The following CELF2 variants were observed in gnomAD, a reference collection of about 807,000 sequenced individuals.
CELF2 encodes CUG triplet repeat RNA-binding protein 2.
CELF2 carries 8 observed loss-of-function variants against 62.6 expected under a neutral mutation model. That is an observed-to-expected ratio of 0.13 (90% CI 0.07 to 0.23). The LOEUF is 0.23. Among genes scored for constraint, CELF2 ranks in the 10% least tolerant of loss-of-function variants. CELF2 has a pLI of 1.00. For missense variants in CELF2, 333 were observed against 671.0 expected, an observed-to-expected ratio of 0.50 and a Z score of 5.56; for synonymous variants, 258 against 250.0, an observed-to-expected ratio of 1.03 and a Z score of -0.30.
intron 2 of CELF2, among the ~76,000 whole-genome samples, chr10:11,193,314 C>G (rs2056527937): frequency 6.6e-6 from 1 of 152,128 alleles, no homozygotes; most frequent in Non-Finnish European, 1.5e-5. Context: ...AACCAGCTCA[C>G]CCATCAATAG....
At chr10:11,299,248 C>T (rs1367946399) in intron 9 of CELF2, among the ~76,000 whole-genome samples, 1 of 152,252 alleles carries the variant, frequency 6.6e-6, no homozygotes, top group Non-Finnish European at 1.5e-5. Context: ...TCGGGCCACA[C>T]GGCGGGTGGT....
intron 1 of CELF2, among the ~76,000 whole-genome samples, chr10:11,091,474 C>T (rs1012430502): frequency 6.6e-6 from 1 of 152,194 alleles, no homozygotes; most frequent in African/African-American, 2.4e-5. Flanking sequence ...TGGCACATCC[C>T]TTCAAGAAAG....
chr10:11,016,465 A>T (rs1307757625), upstream of CELF2, among the ~76,000 whole-genome samples: 5 of 152,246 alleles, frequency 3.3e-5, no homozygotes, highest in Non-Finnish European at 4.4e-5. This position sits in a 1 kb window ranked among gnomAD's most constrained non-coding sequence, Gnocchi z 5.2. Context: ...TGTGGACTTA[A>T]TTGAATATCC....
At chr10:11,025,187 G>A (rs1170830694) in intron 1 of CELF2, among the ~76,000 whole-genome samples, 5 of 151,450 alleles carry the variant, frequency 3.3e-5, no homozygotes, top group African/African-American at 7.3e-5. Flanking sequence ...CCTGAAATAT[G>A]TGTGGGGGTA....
At chr10:10,625,022 T>C in the CELF2 span, among the ~76,000 whole-genome samples, 6 of 152,354 alleles carry the variant, frequency 3.9e-5, no homozygotes, top group South Asian at 1.2e-3. Context: ...TTTCTTCATG[T>C]TTACCAACAA....
intron 1 of CELF2, among the ~76,000 whole-genome samples, chr10:11,133,010 G>T (rs537651900): frequency 6.6e-6 from 1 of 152,310 alleles, no homozygotes; most frequent in African/African-American, 2.4e-5. Flanking sequence ...ATTGAGTCAT[G>T]AAAATTCCAT....
upstream of CELF2, among the ~76,000 whole-genome samples, chr10:10,796,348 C>T (rs529432034): frequency 1.3e-5 from 2 of 152,328 alleles, no homozygotes; most frequent in African/African-American, 4.8e-5. Flanking sequence ...ACTTCAGCTA[C>T]TACTGTATCT....
intron 1 of CELF2, among the ~76,000 whole-genome samples, chr10:11,036,018 A>G (rs1043850082): frequency 2.6e-5 from 4 of 152,302 alleles, no homozygotes; most frequent in South Asian, 2.1e-4. Flanking sequence ...GTATATCTGC[A>G]CTGATGTGAG....
chr10:10,462,615 C>CTTTTTTTTTTTTTTTTTTTTTTTTTTT, the CELF2 span, among the ~76,000 whole-genome samples: 8 of 69,418 alleles, frequency 1.2e-4, no homozygotes, highest in Non-Finnish European at 1.8e-4. Flanking sequence ...TTTTTTTCAT[C>CTTTTTTTTTTTTTTTTTTTTTTTTTTT]TTTTTTTTTT....
rs2096104073 is a variant in CELF2, at chr10:11,335,551, G to T, written c.*6498G>T. ...TCCCTCCCCGGGGCTGGCCGCCTCA[G>T]TGATGGTGATGCCACCAGCTCCAGC... On this transcript the variant is annotated 3_prime_UTR_variant, in exon 13 of 13. Transcript: ENST00000633077. The surrounding 1 kb of genome is among the most constrained non-coding windows in gnomAD (Gnocchi z 5.0). 1 of 152,280 alleles carries T rather than the reference G, an allele frequency of 6.6e-6. No homozygotes were observed. The highest frequency in any genetic ancestry group is 1.5e-5 in the Non-Finnish European group (1 of 68,090). 9.4% of individuals were successfully genotyped at this position (152,280 alleles called of 1,614,324 possible).
In CELF2 at chr10:10,896,779, C is replaced by A. The variant is rs117127390; in HGVS notation, c.54-23185C>A. 5.8e-3 allele frequency among the ~76,000 whole-genome samples: 882 copies of A among 152,280 alleles called. 3 individuals carry two copies. Among genetic ancestry groups the A allele is most frequent in the Non-Finnish European group, 8.5e-3 (578 of 68,020 alleles). On this transcript the variant is annotated intron_variant, in intron 1 of 13. Transcript: ENST00000636488. Reference sequence around the variant, plus strand: ...CAAACTTCTAGCTTCTAGAATTGTGCAGAATAAATTTCTGTTGTTTGAAGG... The same window carrying A: ...CAAACTTCTAGCTTCTAGAATTGTGAAGAATAAATTTCTGTTGTTTGAAGG...
the CELF2 span, among the ~76,000 whole-genome samples, chr10:10,499,333 T>C: frequency 6.6e-6 from 1 of 150,876 alleles, no homozygotes; most frequent in East Asian, 2.0e-4. Flanking sequence ...CCCGAAGTGC[T>C]GGGATTACAG....
chr10:11,052,895 A>G (rs1304274936), intron 1 of CELF2, among the ~76,000 whole-genome samples: 1 of 152,176 alleles, frequency 6.6e-6, no homozygotes, highest in Admixed American at 6.5e-5. Context: ...TTTTCCTACA[A>G]TATCACACAA....
chr10:11,121,676 C>CT (rs2057769242), intron 1 of CELF2, among the ~76,000 whole-genome samples: 1 of 152,046 alleles, frequency 6.6e-6, no homozygotes, highest in African/African-American at 2.4e-5. Context: ...GTAAGCTTGC[C>CT]TAGTGCTAAG....
At chr10:10,572,953 T>C in the CELF2 span, among the ~76,000 whole-genome samples, 4 of 152,212 alleles carry the variant, frequency 2.6e-5, no homozygotes, top group African/African-American at 7.2e-5. Flanking sequence ...TCCACAATGG[T>C]TGAACTAATT....
intron 2 of CELF2, among the ~76,000 whole-genome samples, chr10:10,922,315 T>C (rs1418530370): frequency 6.6e-6 from 1 of 152,188 alleles, no homozygotes; most frequent in Non-Finnish European, 1.5e-5. Flanking sequence ...CCTGAAGACC[T>C]GAGCATCCCA....
At chr10:10,515,147 G>C in the CELF2 span, among the ~76,000 whole-genome samples, 1 of 152,294 alleles carries the variant, frequency 6.6e-6, no homozygotes, top group East Asian at 1.9e-4. Context: ...TCCTGAGCAG[G>C]TGACACACCC....
chr10:10,653,654 GTTC>G, the CELF2 span, among the ~76,000 whole-genome samples: 2 of 143,316 alleles, frequency 1.4e-5, no homozygotes, highest in African/African-American at 5.2e-5. Context: ...AAATAAAGAT[GTTC>G]TTTGAAACCA....
Position 10,853,139 on chromosome 10 carries a change from C to A in CELF2, c.53+54322C>A, listed in dbSNP as rs539996749. Among the ~76,000 whole-genome samples, 3 of 152,206 alleles carry A rather than the reference C, an allele frequency of 2.0e-5. No homozygotes were observed. The East Asian group carries it at 5.8e-4, about 29-fold the overall frequency. On this transcript the variant is annotated intron_variant, in intron 1 of 13. Transcript: ENST00000636488. ...AACTACAGGTGCACACCACCATGCCCGGCTAATTTTTTTGTATTTTTATTA... is the reference window on the plus strand; with the variant it reads ...AACTACAGGTGCACACCACCATGCCAGGCTAATTTTTTTGTATTTTTATTA...
Sources: gnomAD v4.1 joint callset for allele counts (sites outside exome capture counted in the v4.1 genomes callset) on GRCh38, gnomAD v4.1.1 for gene constraint, Gnocchi (gnomAD v3.1) non-coding constraint, MANE v1.5 for transcripts, NCBI Gene and HGNC (gene_info 2026-07-23, HGNC 2026-07-21) for gene names.